The following DACH2 variants were observed in gnomAD, a reference collection of about 807,000 sequenced individuals.
The protein encoded by DACH2 is dachshund family transcription factor 2, also known as dachshund homolog 2.
A neutral mutation model predicts 35.8 loss-of-function variants in DACH2; 17 were observed. The ratio of observed to expected loss-of-function variants is 0.48; its 90% CI spans 0.33 to 0.71. The LOEUF (loss-of-function observed/expected upper bound fraction) is 0.71. Among genes scored for constraint, DACH2 ranks in the 30% least tolerant of loss-of-function variants. The pLI, the probability that DACH2 is intolerant of heterozygous loss-of-function variation, is 0.02. For missense variants in DACH2, 469 were observed against 472.7 expected, an observed-to-expected ratio of 0.99 and a Z score of 0.07; for synonymous variants, 195 against 177.3, an observed-to-expected ratio of 1.10 and a Z score of -0.79.
At chrX:86,370,728 C>T (rs951900906) in intron 1 of DACH2, among the ~76,000 whole-genome samples, 6 of 111,465 alleles carry the variant, frequency 5.4e-5, no homozygotes, top group African/African-American at 9.7e-5. Flanking sequence ...AAGCTTTATA[C>T]GACAGAAATG....
At chrX:86,703,579 G>T (rs2041170995) in intron 5 of DACH2, among the ~76,000 whole-genome samples, 1 of 111,565 alleles carries the variant, frequency 9.0e-6, no homozygotes, top group Non-Finnish European at 1.9e-5. Flanking sequence ...AATGTTTCAG[G>T]ATACAAAATC....
At chrX:86,438,522 G>T (rs757845268) in intron 2 of DACH2, among the ~76,000 whole-genome samples, 2 of 111,568 alleles carry the variant, frequency 1.8e-5, no homozygotes, top group Non-Finnish European at 3.8e-5. Flanking sequence ...CACGGCACTT[G>T]GCCCGAACTC....
intron 1 of DACH2, among the ~76,000 whole-genome samples, chrX:86,207,790 A>G (rs1286130216): frequency 9.0e-6 from 1 of 111,394 alleles, no homozygotes; most frequent in Non-Finnish European, 1.9e-5. Flanking sequence ...AACATTTATA[A>G]TTGAGAATTA....
At position 86,765,698 on chromosome X, in the gene DACH2, G is replaced by GTTTTTTTTTTTTTTTTTTTTTTT. The variant is rs60709865; in HGVS notation, c.1240+25819_1240+25841dup. Among the ~76,000 whole-genome samples the GTTTTTTTTTTTTTTTTTTTTTTT allele has an allele frequency of 1.2e-3, 29 of 24,635 alleles. 1 individual carries two copies. The highest frequency in any genetic ancestry group is 1.6e-3 in the East Asian group (1 of 613). 21.4% of individuals were successfully genotyped at this position (24,635 alleles called of 115,157 possible). A position where few individuals can be genotyped will look rare whatever the true frequency, so the allele number is the denominator to read the frequency against. ...TGGTTTTTTTTGTTGTTGTTTTTTG[G>GTTTTTTTTTTTTTTTTTTTTTTT]TTTTTTTTTTTTTTTTTTTTTTTTT... On this transcript the variant is annotated intron_variant, in intron 7 of 11. Transcript: ENST00000373125.
At position 86,376,162 on chromosome X, in the gene DACH2, T is replaced by TGC. The variant is rs753620904; in HGVS notation, c.489-661_489-660insCG. 7.3e-5 allele frequency among the ~76,000 whole-genome samples: 8 copies of TGC among 109,123 alleles called. No homozygotes were observed. In the East Asian group the frequency reaches 2.3e-3, roughly 31 times the overall value. The allele number at this position is 109,123 out of a possible 115,157, so 94.8% of individuals were successfully genotyped here. On this transcript the variant is annotated intron_variant, in intron 1 of 11. Transcript: ENST00000373125. ...CTGTGTGTGTGTGTATGTGTGTGTG[T>TGC]GTGTGTGTGTGTGTGTGTGTGAATG...
At chrX:86,149,248 G>A (rs2030274645) in intron 1 of DACH2, 140 bp downstream of exon 1, 3 of 760,613 alleles carry the variant, frequency 3.9e-6, no homozygotes, top group Non-Finnish European at 5.4e-6. Context: ...AAATCGGTGG[G>A]GAAAGAGGAC....
chrX:86,395,036 GA>G (rs2036260854), intron 2 of DACH2, among the ~76,000 whole-genome samples: 1 of 111,694 alleles, frequency 9.0e-6, no homozygotes, highest in African/African-American at 3.3e-5. Flanking sequence ...ACTGCCATTG[GA>G]AACAACTGAG....
chrX:86,229,708 AT>A (rs137864672), intron 1 of DACH2, among the ~76,000 whole-genome samples: 10,201 of 95,077 alleles, frequency 0.11, 1,222 homozygotes, highest in African/African-American at 0.33. Context: ...ATTCCTAAGT[AT>A]TTTTTTTTTT....
intron 4 of DACH2, among the ~76,000 whole-genome samples, chrX:86,692,604 A>G (rs1429616908): frequency 8.9e-6 from 1 of 112,304 alleles, no homozygotes; most frequent in African/African-American, 3.2e-5. Flanking sequence ...AAATTTATAA[A>G]ATAAATATTG....
intron 1 of DACH2, among the ~76,000 whole-genome samples, chrX:86,281,821 A>C (rs1375886136): frequency 8.9e-6 from 1 of 112,313 alleles, no homozygotes; most frequent in South Asian, 3.7e-4. Flanking sequence ...TACAAAATCA[A>C]TGTGCAAAAA....
intron 4 of DACH2, among the ~76,000 whole-genome samples, chrX:86,673,783 G>A (rs2040797498): frequency 9.0e-6 from 1 of 111,286 alleles, no homozygotes. Flanking sequence ...CTGTTGGGCG[G>A]ATTTCTTCCT....
At position 86,545,443 on chromosome X, in the gene DACH2, T is replaced by A. The variant is rs1465672220; in HGVS notation, c.640+31052T>A. Among the ~76,000 whole-genome samples, 3 of 111,850 alleles carry A rather than the reference T, an allele frequency of 2.7e-5. No individual in the cohort carries two copies. In the East Asian group the frequency reaches 8.4e-4, roughly 31 times the overall value. ...ATAAAAAAAACTACCTATTAGATAC[T>A]ATGCTTATTACCTGGGTGATGAAAT... On this transcript the variant is annotated intron_variant, in intron 3 of 11. Coordinates refer to ENST00000373125, the MANE Select transcript of DACH2 (RefSeq NM_053281.3).
chrX:86,176,649 A>C (rs1384033767), intron 1 of DACH2, among the ~76,000 whole-genome samples: 5 of 112,002 alleles, frequency 4.5e-5, no homozygotes, highest in African/African-American at 1.6e-4. Context: ...ACTTGACTGA[A>C]GGTATTGTTT....
chrX:86,542,678 A>G (rs1458179247), intron 3 of DACH2, among the ~76,000 whole-genome samples: 1 of 112,016 alleles, frequency 8.9e-6, no homozygotes, highest in South Asian at 3.7e-4. Flanking sequence ...AAGGTATCAG[A>G]TTTATCTTGA....
chrX:86,300,773 T>C (rs2034561184), intron 1 of DACH2, among the ~76,000 whole-genome samples: 1 of 112,354 alleles, frequency 8.9e-6, no homozygotes. Flanking sequence ...GCTTTATACT[T>C]GAATACTTGA....
At chrX:86,541,012 C>T (rs780131440) in intron 3 of DACH2, among the ~76,000 whole-genome samples, 119 of 111,497 alleles carry the variant, frequency 1.1e-3, no homozygotes, top group Admixed American at 1.7e-3. Context: ...TTACCAAATG[C>T]TTACCTGTGA....
At chrX:86,232,132 A>G (rs1454514493) in intron 1 of DACH2, among the ~76,000 whole-genome samples, 1 of 111,784 alleles carries the variant, frequency 8.9e-6, no homozygotes, top group Non-Finnish European at 1.9e-5. Context: ...CTAGATGACC[A>G]GTAGAGAGCA....
At chrX:86,730,949 C>T (rs1320379898) in intron 6 of DACH2, among the ~76,000 whole-genome samples, 1 of 111,475 alleles carries the variant, frequency 9.0e-6, no homozygotes, top group Non-Finnish European at 1.9e-5. Context: ...TGATTGAGTG[C>T]ATACACACGA....
intron 4 of DACH2, among the ~76,000 whole-genome samples, chrX:86,688,630 A>G (rs2073717691): frequency 8.9e-6 from 1 of 112,227 alleles, no homozygotes; most frequent in African/African-American, 3.2e-5. Context: ...TCCCATTGAA[A>G]CAATTGCATT....
Sources: gnomAD v4.1 joint callset for allele counts (sites outside exome capture counted in the v4.1 genomes callset) on GRCh38, gnomAD v4.1.1 for gene constraint, MANE v1.5 for transcripts, NCBI Gene and HGNC (gene_info 2026-07-23, HGNC 2026-07-21) for gene names.